FGF10: variants seen among roughly 807,000 people sequenced by gnomAD.
FGF10 encodes FGF-10.
Under a neutral mutation model 19.8 loss-of-function variants are expected in FGF10, and 2 were observed. That is an observed-to-expected ratio of 0.10 (90% confidence interval 0.04 to 0.32). The LOEUF (loss-of-function observed/expected upper bound fraction) is 0.32, where lower values mean the gene tolerates loss of function less well. Ranked by LOEUF, FGF10 falls within the 10% of genes least tolerant of loss-of-function variation. The probability of loss-of-function intolerance (pLI) is 1.00; values close to 1 mark genes in which losing one functional copy is unlikely to be tolerated. For missense variants in FGF10, 191 were observed against 246.3 expected, an observed-to-expected ratio of 0.78 and a Z score of 1.50; for synonymous variants, 112 against 94.0, an observed-to-expected ratio of 1.19 and a Z score of -1.10.
intron 1 of FGF10, among the ~76,000 whole-genome samples, chr5:44,385,480 A>G (rs1028381963): frequency 1.3e-5 from 2 of 152,210 alleles, no homozygotes; most frequent in African/African-American, 2.4e-5. Flanking sequence ...CAACAAAAAC[A>G]TATAACCTCT....
chr5:44,313,529 G>A (rs187010601), intron 1 of FGF10, among the ~76,000 whole-genome samples: 11 of 151,512 alleles, frequency 7.3e-5, no homozygotes, highest in South Asian at 4.2e-4. Flanking sequence ...GGATCTCCCC[G>A]TGTTTCTTAC....
At chr5:44,363,165 A>G (rs1406015793) in intron 1 of FGF10, among the ~76,000 whole-genome samples, 1 of 151,826 alleles carries the variant, frequency 6.6e-6, no homozygotes, top group African/African-American at 2.4e-5. Context: ...AAAAGTTTTC[A>G]TTAGCCTCAG....
chr5:44,306,956 C>T (rs141514425), intron 2 of FGF10, among the ~76,000 whole-genome samples: 1 of 152,074 alleles, frequency 6.6e-6, no homozygotes, highest in African/African-American at 2.4e-5. Flanking sequence ...AAACTATATA[C>T]TTTTCAAAGC....
At chr5:44,308,672 A>C (rs893984807) in intron 2 of FGF10, among the ~76,000 whole-genome samples, 1 of 152,056 alleles carries the variant, frequency 6.6e-6, no homozygotes, top group African/African-American at 2.4e-5. Context: ...AATTTTACTA[A>C]AATTCCTCTG....
At chr5:44,366,663 AG>A (rs1476204584) in intron 1 of FGF10, among the ~76,000 whole-genome samples, 4 of 152,030 alleles carry the variant, frequency 2.6e-5, no homozygotes, top group Non-Finnish European at 5.9e-5. Flanking sequence ...TGCCTTCAAA[AG>A]CAAAAAAGCA....
At chr5:44,343,776 T>A (rs1039619336) in intron 1 of FGF10, among the ~76,000 whole-genome samples, 1 of 151,988 alleles carries the variant, frequency 6.6e-6, no homozygotes, top group Non-Finnish European at 1.5e-5. Context: ...AATTATGTGA[T>A]CACCTTCTAT....
At chr5:44,342,512 GA>G (rs5867661) in intron 1 of FGF10, among the ~76,000 whole-genome samples, 47,430 of 143,824 alleles carry the variant, frequency 0.33, 7,609 homozygotes, top group Admixed American at 0.47. Flanking sequence ...AAAGTTTTAG[GA>G]AAAAAAAAAA....
intron 2 of FGF10, among the ~76,000 whole-genome samples, chr5:44,306,761 C>T (rs1350201248): frequency 6.6e-6 from 1 of 152,114 alleles, no homozygotes; most frequent in African/African-American, 2.4e-5. Context: ...GTCTTAAATG[C>T]TTCTCTTCTA....
chr5:44,353,196 G>A (rs1404472214), intron 1 of FGF10, among the ~76,000 whole-genome samples: 1 of 151,544 alleles, frequency 6.6e-6, no homozygotes, highest in Non-Finnish European at 1.5e-5. Flanking sequence ...CCAATGCATA[G>A]TCCATAGTCC....
At chr5:44,355,338 G>A (rs571651190) in intron 1 of FGF10, among the ~76,000 whole-genome samples, 1 of 151,202 alleles carries the variant, frequency 6.6e-6, no homozygotes, top group Admixed American at 6.6e-5. Context: ...TTGTACATAG[G>A]TTAAACATCT....
At chr5:44,312,283 G>T (rs918438693) in intron 1 of FGF10, among the ~76,000 whole-genome samples, 1 of 151,802 alleles carries the variant, frequency 6.6e-6, no homozygotes, top group Non-Finnish European at 1.5e-5. Context: ...TAAGGATACT[G>T]TTGTTAGTCT....
chr5:44,351,316 T>A (rs1038098284), intron 1 of FGF10, among the ~76,000 whole-genome samples: 4 of 151,554 alleles, frequency 2.6e-5, no homozygotes, highest in Admixed American at 1.3e-4. Flanking sequence ...ATAAGATAGA[T>A]AGACACATAA....
chr5:44,355,737 G>A (rs1741331912), intron 1 of FGF10, among the ~76,000 whole-genome samples: 2 of 151,350 alleles, frequency 1.3e-5, no homozygotes, highest in African/African-American at 4.8e-5. Flanking sequence ...TCTTTCATAT[G>A]ACTCTGCAGG....
At chr5:44,332,584 A>G (rs886383477) in intron 1 of FGF10, among the ~76,000 whole-genome samples, 2 of 152,154 alleles carry the variant, frequency 1.3e-5, no homozygotes, top group African/African-American at 4.8e-5. Flanking sequence ...ATAAAACCAT[A>G]TCTTCCCTAG....
intron 1 of FGF10, among the ~76,000 whole-genome samples, chr5:44,322,203 T>C (rs1009794941): frequency 6.6e-6 from 1 of 152,128 alleles, no homozygotes; most frequent in Non-Finnish European, 1.5e-5. Context: ...ACAGAATGGG[T>C]CCCAAAACTT....
At chr5:44,370,595 G>T (rs1741720837) in intron 1 of FGF10, among the ~76,000 whole-genome samples, 2 of 152,152 alleles carry the variant, frequency 1.3e-5, no homozygotes, top group East Asian at 3.9e-4. Context: ...AGGAGAAAAA[G>T]AAGTAAGCTC....
intron 1 of FGF10, among the ~76,000 whole-genome samples, chr5:44,327,004 A>T (rs1740629498): frequency 6.6e-6 from 1 of 152,120 alleles, no homozygotes; most frequent in Non-Finnish European, 1.5e-5. Context: ...AACTCTGCCC[A>T]GGGTACTCAG....
intron 1 of FGF10, among the ~76,000 whole-genome samples, chr5:44,312,379 G>A (rs1241774423): frequency 6.6e-6 from 1 of 152,010 alleles, no homozygotes; most frequent in Non-Finnish European, 1.5e-5. Context: ...CGGTAATAAT[G>A]GATGTTAACA....
At chr5:44,360,423 A>G (rs1422065609) in intron 1 of FGF10, among the ~76,000 whole-genome samples, 1 of 151,546 alleles carries the variant, frequency 6.6e-6, no homozygotes, top group Non-Finnish European at 1.5e-5. Flanking sequence ...TAGGGCAATC[A>G]TTCATTCAAC....
Sources: gnomAD v4.1 joint callset for allele counts (sites outside exome capture counted in the v4.1 genomes callset) on GRCh38, gnomAD v4.1.1 for gene constraint, MANE v1.5 for transcripts, NCBI Gene and HGNC (gene_info 2026-07-23, HGNC 2026-07-21) for gene names.